The following SPAG16 variants were observed in gnomAD, a reference collection of about 807,000 sequenced individuals.
The protein encoded by SPAG16 is sperm associated antigen 16.
In SPAG16, 86 loss-of-function variants were observed where a neutral mutation model predicts 80.4. The observed-to-expected ratio is 1.07, with a 90% CI of 0.90 to 1.28. The LOEUF is 1.28. SPAG16 is among the 50% of genes most tolerant of loss of function. The pLI, the probability that SPAG16 is intolerant of heterozygous loss-of-function variation, is 0.00. For missense variants in SPAG16, 870 were observed against 765.3 expected, an observed-to-expected ratio of 1.14 and a Z score of -1.61; for synonymous variants, 294 against 265.9, an observed-to-expected ratio of 1.11 and a Z score of -1.03.
chr2:213,584,962 G>A (rs2060417087), intron 10 of SPAG16, among the ~76,000 whole-genome samples: 1 of 152,108 alleles, frequency 6.6e-6, no homozygotes, highest in Non-Finnish European at 1.5e-5. Context: ...GGTGAGGTGG[G>A]TAGATCACCT....
At chr2:213,676,940 A>G (rs2064112416) in intron 10 of SPAG16, among the ~76,000 whole-genome samples, 1 of 151,422 alleles carries the variant, frequency 6.6e-6, no homozygotes. Flanking sequence ...ATTGATTGGA[A>G]TAGTTTCAGA....
At chr2:214,237,407 A>G (rs1194614607) in intron 15 of SPAG16, among the ~76,000 whole-genome samples, 1 of 152,046 alleles carries the variant, frequency 6.6e-6, no homozygotes, top group Non-Finnish European at 1.5e-5. Context: ...ATCATTAATG[A>G]TCTACGCTCA....
intron 11 of SPAG16, among the ~76,000 whole-genome samples, chr2:213,869,264 A>AAAAAT (rs552335638): frequency 1.1e-4 from 7 of 63,594 alleles, no homozygotes; most frequent in African/African-American, 1.7e-4. Context: ...AAAAAAAAAA[A>AAAAAT]ATATATATAT....
intron 15 of SPAG16, among the ~76,000 whole-genome samples, chr2:214,356,203 A>T (rs886624533): frequency 1.4e-4 from 22 of 152,172 alleles, no homozygotes; most frequent in East Asian, 3.9e-4. Context: ...AATAAAATTT[A>T]AAAAATGAGA....
At chr2:214,136,541 C>T (rs964020225) in intron 14 of SPAG16, among the ~76,000 whole-genome samples, 2 of 152,118 alleles carry the variant, frequency 1.3e-5, no homozygotes, top group African/African-American at 2.4e-5. Flanking sequence ...ATCCATGGAG[C>T]ATGATTGGTG....
chr2:213,433,666 C>T (rs1447003573), intron 9 of SPAG16, among the ~76,000 whole-genome samples: 2 of 152,040 alleles, frequency 1.3e-5, no homozygotes, highest in African/African-American at 4.8e-5. Flanking sequence ...TTAAAATGAC[C>T]ATATACCCAA....
chr2:214,363,309 G>T (rs891655325), intron 15 of SPAG16, among the ~76,000 whole-genome samples: 1 of 151,784 alleles, frequency 6.6e-6, no homozygotes, highest in African/African-American at 2.4e-5. Context: ...CTTCTCGATG[G>T]CTAAATCCAA....
At chr2:214,156,924 T>C (rs2056240367) in intron 15 of SPAG16, among the ~76,000 whole-genome samples, 2 of 152,192 alleles carry the variant, frequency 1.3e-5, no homozygotes, top group Non-Finnish European at 2.9e-5. Flanking sequence ...TTCTACCACA[T>C]CTGGACACAG....
intron 15 of SPAG16, among the ~76,000 whole-genome samples, chr2:214,223,144 T>C (rs2058620140): frequency 6.7e-6 from 1 of 149,388 alleles, no homozygotes; most frequent in Non-Finnish European, 1.5e-5. Flanking sequence ...TTTATTATTA[T>C]TTGGATCTTC....
intron 15 of SPAG16, among the ~76,000 whole-genome samples, chr2:214,193,231 A>G (rs1274403213): frequency 6.6e-6 from 1 of 152,008 alleles, no homozygotes; most frequent in Admixed American, 6.6e-5. Flanking sequence ...TTAGCAGCCA[A>G]CACTTCCAGT....
chr2:213,364,159 G>C lies in SPAG16; in HGVS notation c.832+14G>C, dbSNP rs1228930522. On this transcript the variant is annotated intron_variant, in intron 8 of 15. Transcript: ENST00000331683. ...CTCAAATTAAAGGTAAATGTAAAAT[G>C]TGATGAAGCTCTCATTTAATATAGT... The C allele has an allele frequency of 1.4e-6, 2 of 1,447,898 alleles. No individual in the cohort carries two copies. Among genetic ancestry groups the C allele is most frequent in the East Asian group, 5.0e-5 (2 of 40,022 alleles). The allele number at this position is 1,447,898 out of a possible 1,614,324, so 89.7% of individuals were successfully genotyped here.
At chr2:213,453,724 C>T (rs1486433733) in intron 9 of SPAG16, among the ~76,000 whole-genome samples, 1 of 152,014 alleles carries the variant, frequency 6.6e-6, no homozygotes, top group African/African-American at 2.4e-5. Context: ...CACTGATGGC[C>T]CACCTTGGTC....
At chr2:213,853,233 T>G (rs2105915269) in intron 10 of SPAG16, among the ~76,000 whole-genome samples, 1 of 152,338 alleles carries the variant, frequency 6.6e-6, no homozygotes, top group African/African-American at 2.4e-5. Flanking sequence ...AATCTTTTTT[T>G]GGATTAATAT....
At position 213,642,848 on chromosome 2, in the gene SPAG16, A is replaced by AAG. The variant is rs1465255889; in HGVS notation, c.1070+152764_1070+152765dup. Among the ~76,000 whole-genome samples the AAG allele has an allele frequency of 4.3e-4, 59 of 137,172 alleles. 2 individuals are homozygous for AAG. The highest frequency in any genetic ancestry group is 3.4e-3 in the East Asian group (15 of 4,374). 90.0% of individuals were successfully genotyped at this position (137,172 alleles called of 152,430 possible). A position where few individuals can be genotyped will look rare whatever the true frequency, so the allele number is the denominator to read the frequency against. ...AAAAAAAAAAAAAAAAAAAAAAAAAAAGAGAGACTGGTCTAACCTCCCAGC... is the reference window on the plus strand; with the variant it reads ...AAAAAAAAAAAAAAAAAAAAAAAAAAAGAGAGAGACTGGTCTAACCTCCCAGC... On this transcript the variant is annotated intron_variant, in intron 10 of 15. Transcript: ENST00000331683.
chr2:213,864,771 G>T (rs1485012107), intron 11 of SPAG16, among the ~76,000 whole-genome samples: 1 of 151,810 alleles, frequency 6.6e-6, no homozygotes, highest in Non-Finnish European at 1.5e-5. Context: ...TTTGTTTGGG[G>T]GTCAATTATT....
chr2:213,469,778 G>GATTTCATCTACT (rs1420824453), intron 9 of SPAG16, among the ~76,000 whole-genome samples: 1 of 151,934 alleles, frequency 6.6e-6, no homozygotes, highest in Non-Finnish European at 1.5e-5. Flanking sequence ...TGGAGTAGTA[G>GATTTCATCTACT]ACTGATTTCA....
At chr2:213,988,262 A>T (rs1180688003) in intron 12 of SPAG16, among the ~76,000 whole-genome samples, 2 of 152,076 alleles carry the variant, frequency 1.3e-5, no homozygotes, top group East Asian at 3.9e-4. Flanking sequence ...CCTAATGGAG[A>T]TTTATAGTAT....
intron 10 of SPAG16, among the ~76,000 whole-genome samples, chr2:213,589,528 G>A (rs2060604141): frequency 6.6e-6 from 1 of 152,154 alleles, no homozygotes; most frequent in Non-Finnish European, 1.5e-5. Flanking sequence ...GGCTCTGACT[G>A]TGGCAAATCA....
chr2:213,829,130 C>T (rs552107470), intron 10 of SPAG16, among the ~76,000 whole-genome samples: 1 of 152,204 alleles, frequency 6.6e-6, no homozygotes, highest in Non-Finnish European at 1.5e-5. Flanking sequence ...AACAAGTTCT[C>T]CTGGGCTCTA....
Sources: gnomAD v4.1 joint callset for allele counts (sites outside exome capture counted in the v4.1 genomes callset) on GRCh38, gnomAD v4.1.1 for gene constraint, MANE v1.5 for transcripts, NCBI Gene and HGNC (gene_info 2026-07-23, HGNC 2026-07-21) for gene names.